MYO15A: variants seen among roughly 807,000 people sequenced by gnomAD.
The protein encoded by MYO15A is myosin XVA.
MYO15A carries 308 observed loss-of-function variants against 394.6 expected under a neutral mutation model. That is an observed-to-expected ratio of 0.78 (90% CI 0.71 to 0.86). The LOEUF (loss-of-function observed/expected upper bound fraction) is 0.86. MYO15A is among the 40% of genes least tolerant of loss of function. MYO15A has a pLI of 0.00. For synonymous variants in MYO15A, 1,957 were observed against 2,003.8 expected, an observed-to-expected ratio of 0.98 and a Z score of 0.62; for missense variants, 4,606 against 4,799.1, an observed-to-expected ratio of 0.96 and a Z score of 1.19.
intron 56 of MYO15A, among the ~76,000 whole-genome samples, chr17:18,160,297 C>T (rs1203991703): frequency 2.6e-5 from 4 of 152,184 alleles, no homozygotes; most frequent in Non-Finnish European, 5.9e-5. Context: ...TCTGGTTTAG[C>T]CAAAAGGGAA....
At chr17:18,172,916 G>A (rs149866175) in intron 64 of MYO15A, among the ~76,000 whole-genome samples, 1 of 152,326 alleles carries the variant, frequency 6.6e-6, no homozygotes, top group African/African-American at 2.4e-5. Context: ...ACATAATTCA[G>A]CCCATAATAA....
rs185801627 is a variant in MYO15A, at chr17:18,157,971, G to C, written c.8967+71G>C. The C allele has an allele frequency of 6.2e-5, 89 of 1,439,854 alleles. No individual in the cohort carries two copies. The Admixed American group carries it at 2.3e-3, about 37-fold the overall frequency. The allele number at this position is 1,439,854 out of a possible 1,614,324, so 89.2% of individuals were successfully genotyped here. A position where few individuals can be genotyped will look rare whatever the true frequency, so the allele number is the denominator to read the frequency against. On this transcript the variant is annotated intron_variant, in intron 51 of 65. Transcript: ENST00000647165. ...GGGGCCGCTGCAGAAGGGGTGAGGC[G>C]AGTGGGGATAAGGTGGGCCAAGGGC...
At chr17:18,135,000 C>A (rs563877276) in intron 12 of MYO15A, among the ~76,000 whole-genome samples, 7 of 151,878 alleles carry the variant, frequency 4.6e-5, no homozygotes, top group Non-Finnish European at 1.0e-4. Context: ...CCTGCCTCAG[C>A]TCCTGAGTAG....
At chr17:18,159,399 T>A in intron 54 of MYO15A, 52 bp downstream of exon 54, 1 of 1,596,324 alleles carries the variant, frequency 6.3e-7, no homozygotes, top group Non-Finnish European at 8.6e-7. Flanking sequence ...GATCCAGCAC[T>A]GTGTGATCTC....
chr17:18,144,343 G>A (rs2046437698), intron 28 of MYO15A, among the ~76,000 whole-genome samples, 154 bp from the exon 29 acceptor site: 1 of 52,228 alleles, frequency 1.9e-5, no homozygotes, highest in Non-Finnish European at 3.5e-5. Flanking sequence ...GGCCACTGTG[G>A]TGGCCCCTCA....
chr17:18,123,206 C>G (rs901243037), intron 2 of MYO15A: 2 of 152,280 alleles, frequency 1.3e-5, no homozygotes, highest in African/African-American at 4.8e-5. Flanking sequence ...CCTCTGCAGA[C>G]CATGCCTGGC....
At position 18,120,120 on chromosome 17, in the gene MYO15A, C is replaced by T. The variant is rs1275095229; in HGVS notation, c.1320C>T (p.Asp440=). The T allele has an allele frequency of 1.2e-6, 2 of 1,612,800 alleles. No individual in the cohort carries two copies. The highest frequency in any genetic ancestry group is 1.7e-5 in the Admixed American group (1 of 60,012). ...DDIAELEEPE[D]AGVERQGTSF... The stretch of plus-strand genomic sequence containing the variant: ...TCGCCGAGCTGGAGGAACCAGAGGA[C>T]GCGGGCGTAGAGCGTCAGGGGACCT... The change falls in exon 2 of 66, where the codon GAC becomes GAT. Residue 440 remains aspartate (D), a synonymous_variant. Coordinates refer to ENST00000647165, the MANE Select transcript of MYO15A (RefSeq NM_016239.4).
rs2045943588 is a variant in MYO15A at position 18,121,906 on chromosome 17, A to G, written c.3106A>G (p.Lys1036Glu). The change falls in exon 2 of 66, where the codon AAG becomes GAG. Residue 1036 changes from lysine to glutamate, a missense_variant. By Grantham distance (56) the Lys-to-Glu change is moderately conservative (BLOSUM62 1). Transcript: ENST00000647165. This position sits in a 1 kb window ranked among gnomAD's most constrained non-coding sequence, Gnocchi z 5.3. The part of the protein sequence containing the change: ...ETKPPTPAPP[K>E]DVTPPKDITP... Reference sequence around the variant, plus strand: ...CAAGCCTCCAACCCCAGCACCTCCCAAGGATGTCACTCCCCCCAAGGATAT... The same window carrying G: ...CAAGCCTCCAACCCCAGCACCTCCCGAGGATGTCACTCCCCCCAAGGATAT... 1 of 1,613,082 alleles carries G rather than the reference A, an allele frequency of 6.2e-7. No homozygotes were observed. Among genetic ancestry groups the G allele is most frequent in the East Asian group, 2.2e-5 (1 of 44,856 alleles).
chr17:18,116,650 G>C (rs773178244), intron 1 of MYO15A, among the ~76,000 whole-genome samples: 1 of 136,930 alleles, frequency 7.3e-6, no homozygotes, highest in Non-Finnish European at 1.6e-5. Flanking sequence ...GCTGGGCGCC[G>C]TGGCTCACAT....
intron 35 of MYO15A, chr17:18,149,809 A>G: frequency 1.7e-6 from 1 of 602,582 alleles, no homozygotes; most frequent in Non-Finnish European, 3.0e-6. Context: ...CACCTCTAGC[A>G]AGGTGTGGTG....
Position 18,146,050 on chromosome 17 carries a change from T to C in MYO15A, c.6452T>C (p.Leu2151Pro). Residue 2151 changes from leucine (L) to proline (P), a missense_variant, in exon 30 of 66, where the codon CTG becomes CCG. Physicochemically the swap from Leu to Pro is moderately conservative, Grantham distance 98. Coordinates refer to ENST00000647165, the MANE Select transcript of MYO15A (RefSeq NM_016239.4). ...AATGCTGAGCGGGGCTGGCTGCTGC[T>C]GGCCGCCTGCCTCAGTGGCTTTGCA... is the stretch of plus-strand genomic sequence containing the variant. ...AHNAERGWLL[L>P]AACLSGFAPS... The C allele has an allele frequency of 1.2e-6, 2 of 1,613,834 alleles. No individual in the cohort carries two copies. The highest frequency in any genetic ancestry group is 8.5e-7 in the Non-Finnish European group (1 of 1,180,034).
At chr17:18,126,748 G>A (rs2046050761) in intron 5 of MYO15A, 43 bp from the exon 6 acceptor site, 1 of 1,601,826 alleles carries the variant, frequency 6.2e-7, no homozygotes, top group African/African-American at 1.3e-5. Context: ...GGAGGTGTGG[G>A]AGCTTAGAGG....
At chr17:18,155,546 G>C in intron 47 of MYO15A, 114 bp downstream of exon 47, 2 of 1,045,498 alleles carry the variant, frequency 1.9e-6, no homozygotes, top group South Asian at 2.7e-5. Context: ...CAGGCTCTGT[G>C]CCAAGCCATT....
At position 18,147,780 on chromosome 17, in the gene MYO15A, G is replaced by T. The variant is rs1427152117; in HGVS notation, c.6510-249G>T. On this transcript the variant is annotated intron_variant, in intron 30 of 65. Coordinates refer to ENST00000647165, the MANE Select transcript of MYO15A (RefSeq NM_016239.4). This position sits in a 1 kb window ranked among gnomAD's most constrained non-coding sequence, Gnocchi z 4.4. ...TGGGACCCTTTCAGTTTAGCCGTGG[G>T]ACTCTAAACTACCCTGAGATCTTTT... 6.6e-6 allele frequency among the ~76,000 whole-genome samples: 1 copy of T among 152,098 alleles called. No homozygotes were observed. The highest frequency in any genetic ancestry group is 2.4e-5 in the African/African-American group (1 of 41,398).
intron 44 of MYO15A, 93 bp from the exon 45 acceptor site, chr17:18,154,587 C>T: frequency 2.3e-6 from 3 of 1,312,966 alleles, no homozygotes; most frequent in Non-Finnish European, 3.3e-6. Context: ...AAATGGGACC[C>T]CTCCCACATT....
In MYO15A at chr17:18,121,059, G is replaced by A. The variant is rs886052670; in HGVS notation, c.2259G>A (p.Ala753=). ...PSFRGSRRRG[A]AFGFPGASPR... The stretch of plus-strand genomic sequence containing the variant: ...TCAGGGGCTCCCGCCGGAGAGGGGC[G>A]GCTTTCGGCTTCCCCGGGGCCTCTC... The change falls in exon 2 of 66, where the codon GCG becomes GCA. Residue 753 remains alanine, a synonymous_variant. Transcript: ENST00000647165. This position sits in a 1 kb window ranked among gnomAD's most constrained non-coding sequence, Gnocchi z 5.3. 2 of 1,507,596 alleles carry A rather than the reference G, an allele frequency of 1.3e-6. No individual in the cohort carries two copies. The highest frequency in any genetic ancestry group is 1.8e-6 in the Non-Finnish European group (2 of 1,132,888). The allele number at this position is 1,507,596 out of a possible 1,614,324, so 93.4% of individuals were successfully genotyped here. A position where few individuals can be genotyped will look rare whatever the true frequency, so the allele number is the denominator to read the frequency against.
rs756922986 is a variant in MYO15A at position 18,157,831 on chromosome 17, C to A, written c.8898C>A (p.Gly2966=). 8 of 1,595,202 alleles carry A rather than the reference C, an allele frequency of 5.0e-6. No homozygotes were observed. The highest frequency in any genetic ancestry group is 5.1e-6 in the Non-Finnish European group (6 of 1,176,386). The change falls in exon 51 of 66, where the codon GGC becomes GGA. Residue 2966 remains glycine, a synonymous_variant. Coordinates refer to ENST00000647165, the MANE Select transcript of MYO15A (RefSeq NM_016239.4). ...AGCTGCCAACGGAGCCAGGCCGCGG[C>A]CGAGCAGCCGCCGTGGCCGCTGCTG... The part of the protein sequence containing the change: ...FLQLPTEPGR[G]RAAAVAAAVA...
At position 18,120,950 on chromosome 17, in the gene MYO15A, G is replaced by C. The variant is rs546018470; in HGVS notation, c.2150G>C (p.Ser717Thr). The C allele has an allele frequency of 1.8e-4, 261 of 1,480,756 alleles. 2 individuals carry two copies. In the African/African-American group the frequency reaches 3.3e-3, roughly 19 times the overall value. 91.7% of individuals were successfully genotyped at this position (1,480,756 alleles called of 1,614,324 possible). ...PAHVPPAPQA[S>T]WWAFVEPPAV... is the part of the protein sequence containing the mutation. The stretch of plus-strand genomic sequence containing the variant: ...CACGTGCCACCGGCGCCGCAGGCCA[G>C]CTGGTGGGCCTTCGTGGAGCCCCCT... The change falls in exon 2 of 66, where the codon AGC (serine) becomes ACC (threonine). Residue 717 changes from serine (S) to threonine (T), a missense_variant. Coordinates refer to ENST00000647165, the MANE Select transcript of MYO15A (RefSeq NM_016239.4).
chr17:18,131,639 C>G (rs145156327), intron 10 of MYO15A, 108 bp downstream of exon 10: 2 of 1,291,912 alleles, frequency 1.5e-6, no homozygotes, highest in African/African-American at 1.5e-5. Flanking sequence ...AATTAATGAA[C>G]GAATACATGC....
Sources: allele counts gnomAD v4.1 joint callset (sites outside exome capture counted in the v4.1 genomes callset), GRCh38; gene constraint gnomAD v4.1.1; non-coding constraint Gnocchi (gnomAD v3.1); transcripts MANE v1.5; gene names NCBI Gene and HGNC (gene_info 2026-07-23, HGNC 2026-07-21).